The following PLCB1 variants were observed in gnomAD, a reference collection of about 807,000 sequenced individuals.
PLCB1 encodes the protein phospholipase C beta 1, also known as 1-phosphatidylinositol 4,5-bisphosphate phosphodiesterase beta-1.
PLCB1 carries 46 observed loss-of-function variants against 161.8 expected under a neutral mutation model. The observed-to-expected ratio is 0.28, with a 90% CI of 0.22 to 0.36. PLCB1 has a LOEUF of 0.36. Among genes scored for constraint, PLCB1 ranks in the 10% least tolerant of loss-of-function variants. PLCB1 has a pLI of 1.00. For missense variants in PLCB1, 1,016 were observed against 1,472.5 expected, an observed-to-expected ratio of 0.69 and a Z score of 5.07; for synonymous variants, 517 against 503.7, an observed-to-expected ratio of 1.03 and a Z score of -0.35.
intron 3 of PLCB1, among the ~76,000 whole-genome samples, chr20:8,536,091 A>T (rs1985039308): frequency 6.6e-6 from 1 of 152,096 alleles, no homozygotes; most frequent in Non-Finnish European, 1.5e-5. Flanking sequence ...AATGCACATG[A>T]TGGAGGAAAA....
chr20:8,522,775 AT>A (rs750635827), intron 3 of PLCB1, among the ~76,000 whole-genome samples: 12 of 152,206 alleles, frequency 7.9e-5, no homozygotes, highest in Non-Finnish European at 1.2e-4. Context: ...AAAAAGTAAA[AT>A]ATGTCCTTGT....
intron 3 of PLCB1, among the ~76,000 whole-genome samples, chr20:8,522,959 A>G (rs768077740): frequency 2.0e-5 from 3 of 152,178 alleles, no homozygotes; most frequent in Non-Finnish European, 4.4e-5. Flanking sequence ...TTGCTGGGAC[A>G]TTTTAGTCAA....
chr20:8,153,817 A>G (rs1349540379), intron 2 of PLCB1, among the ~76,000 whole-genome samples: 1 of 152,186 alleles, frequency 6.6e-6, no homozygotes, highest in Admixed American at 6.5e-5. Flanking sequence ...AAAGGAACAC[A>G]TCATTAAATT....
intron 3 of PLCB1, among the ~76,000 whole-genome samples, chr20:8,572,410 T>C (rs1011696200): frequency 6.6e-6 from 1 of 152,208 alleles, no homozygotes; most frequent in African/African-American, 2.4e-5. Flanking sequence ...TAACACATAA[T>C]GATTAGGATT....
rs1314945028 is a variant in PLCB1, at chr20:8,150,378, AATGAGG to A, written c.177+8_177+13del. The A allele has an allele frequency of 1.4e-5, 20 of 1,406,798 alleles. No homozygotes were observed. Among genetic ancestry groups the A allele is most frequent in the Non-Finnish European group, 1.8e-5 (18 of 1,008,866 alleles). 87.1% of individuals were successfully genotyped at this position (1,406,798 alleles called of 1,614,324 possible). ...CTGGACAGATCAAAACAAGGTAAGA[AATGAGG>A]TATGCCTTTCTTACATTTTTCAGTC... On this transcript the variant is annotated splice_region_variant and intron_variant, in intron 2 of 31. Transcript: ENST00000338037.
At chr20:8,142,002 A>T (rs1263666280) in intron 1 of PLCB1, 1 of 152,254 alleles carries the variant, frequency 6.6e-6, no homozygotes, top group Non-Finnish European at 1.5e-5. Context: ...GTCAACTGAG[A>T]GGCCAGATCT....
intron 2 of PLCB1, among the ~76,000 whole-genome samples, chr20:8,296,416 G>T (rs1040008415): frequency 6.6e-6 from 1 of 152,096 alleles, no homozygotes; most frequent in Non-Finnish European, 1.5e-5. Flanking sequence ...CCTGACAGTG[G>T]GGAACAAGGA....
At chr20:8,216,872 G>A (rs1462573317) in intron 2 of PLCB1, among the ~76,000 whole-genome samples, 1 of 152,122 alleles carries the variant, frequency 6.6e-6, no homozygotes, top group East Asian at 1.9e-4. Context: ...AGAACCCTGG[G>A]CAAACCAAAA....
At chr20:8,800,076 T>C (rs1222317046) in intron 31 of PLCB1, among the ~76,000 whole-genome samples, 2 of 152,102 alleles carry the variant, frequency 1.3e-5, no homozygotes, top group Non-Finnish European at 2.9e-5. Flanking sequence ...AAAGAGGAAA[T>C]CTACTAGATG....
intron 2 of PLCB1, among the ~76,000 whole-genome samples, chr20:8,213,287 G>A (rs955904085): frequency 2.0e-5 from 3 of 152,162 alleles, no homozygotes; most frequent in East Asian, 1.9e-4. Flanking sequence ...TCCAAAATGC[G>A]AAGGGTGAAT....
In PLCB1 at chr20:8,625,469, A is replaced by G. The variant is rs1164861075; in HGVS notation, c.247-2825A>G. On this transcript the variant is annotated intron_variant, in intron 3 of 31. Transcript: ENST00000338037. ...ATAATCAAGGTTAGTGTTGATAAAA[A>G]TGAAATAAATGAAGAAAAGATACAG... Among the ~76,000 whole-genome samples, 3 of 152,250 alleles carry G rather than the reference A, an allele frequency of 2.0e-5. No homozygotes were observed. In the South Asian group the frequency reaches 6.2e-4, roughly 31 times the overall value.
In PLCB1 at chr20:8,172,851, A is replaced by G. The variant is rs189286042; in HGVS notation, c.177+22480A>G. ...CAGGACCAGAGAAGCAGCATGGGGC[A>G]GGGTATCTTATGTTTCCCCCAGCCA... On this transcript the variant is annotated intron_variant, in intron 2 of 31. Transcript: ENST00000338037. Among the ~76,000 whole-genome samples, 30 of 152,318 alleles carry G rather than the reference A, an allele frequency of 2.0e-4. No individual in the cohort carries two copies. The East Asian group carries it at 5.8e-3, about 29-fold the overall frequency.
At chr20:8,466,907 T>C (rs1433336137) in intron 3 of PLCB1, among the ~76,000 whole-genome samples, 2 of 152,148 alleles carry the variant, frequency 1.3e-5, no homozygotes, top group Non-Finnish European at 2.9e-5. Flanking sequence ...TGATGTGGCA[T>C]TGACTAGGTC....
chr20:8,193,410 T>A lies in PLCB1; in HGVS notation c.177+43039T>A, dbSNP rs546365583. On this transcript the variant is annotated intron_variant, in intron 2 of 31. Transcript: ENST00000338037. ...ATGCAGCTGTAAAAGAAAAAATTTTTAAAAAAAAAGGAGAAGAAAAAGAGG... is the reference window on the plus strand; with the variant it reads ...ATGCAGCTGTAAAAGAAAAAATTTTAAAAAAAAAAGGAGAAGAAAAAGAGG... 1.7e-4 allele frequency among the ~76,000 whole-genome samples: 26 copies of A among 151,696 alleles called. No homozygotes were observed. The East Asian group carries it at 3.1e-3, about 18-fold the overall frequency.
intron 3 of PLCB1, among the ~76,000 whole-genome samples, chr20:8,542,057 G>A (rs3817881): frequency 0.16 from 24,484 of 152,182 alleles, 2,222 homozygotes; most frequent in Admixed American, 0.25. Flanking sequence ...GAATTCAGAT[G>A]TTCATTCATT....
At chr20:8,168,284 A>G (rs2051695387) in intron 2 of PLCB1, among the ~76,000 whole-genome samples, 1 of 152,220 alleles carries the variant, frequency 6.6e-6, no homozygotes, top group African/African-American at 2.4e-5. Flanking sequence ...AATTACATAC[A>G]AAAAAGTAAT....
At chr20:8,488,375 T>C (rs1982815750) in intron 3 of PLCB1, among the ~76,000 whole-genome samples, 1 of 152,166 alleles carries the variant, frequency 6.6e-6, no homozygotes, top group South Asian at 2.1e-4. Context: ...CTCCTTCCTC[T>C]GCCCCATCCT....
At chr20:8,394,728 AG>A (rs1987713301) in intron 3 of PLCB1, among the ~76,000 whole-genome samples, 1 of 152,178 alleles carries the variant, frequency 6.6e-6, no homozygotes, top group Non-Finnish European at 1.5e-5. Context: ...ATAGGCTTGA[AG>A]CTGTGCCATT....
At chr20:8,137,126 A>T (rs1165609376) in intron 1 of PLCB1, among the ~76,000 whole-genome samples, 2 of 152,104 alleles carry the variant, frequency 1.3e-5, no homozygotes, top group Non-Finnish European at 2.9e-5. Context: ...TCCAACCCCC[A>T]CAGCTAAAAC....
Sources: allele counts gnomAD v4.1 joint callset (sites outside exome capture counted in the v4.1 genomes callset), GRCh38; gene constraint gnomAD v4.1.1; transcripts MANE v1.5; gene names NCBI Gene and HGNC (gene_info 2026-07-23, HGNC 2026-07-21).